The following RIMS2 variants were observed in gnomAD, a reference collection of about 807,000 sequenced individuals.
RIMS2 encodes the protein regulating synaptic membrane exocytosis 2, also known as regulating synaptic membrane exocytosis protein 2.
RIMS2 carries 59 observed loss-of-function variants against 174.4 expected under a neutral mutation model. The observed-to-expected ratio is 0.34, with a 90% CI of 0.27 to 0.42. The LOEUF (loss-of-function observed/expected upper bound fraction) is 0.42. Among genes scored for constraint, RIMS2 ranks in the 10% least tolerant of loss-of-function variants. RIMS2 has a pLI of 1.00. For missense variants in RIMS2, 1,620 were observed against 1,666.3 expected (o/e 0.97, Z 0.48); for synonymous variants, 606 against 572.5 (o/e 1.06, Z -0.84).
intron 19 of RIMS2, among the ~76,000 whole-genome samples, chr8:104,082,699 T>G (rs1427550030): frequency 6.6e-6 from 1 of 152,002 alleles, no homozygotes; most frequent in Non-Finnish European, 1.5e-5. Context: ...GTTTATATTT[T>G]TATATTATTT....
chr8:104,246,569 ATAG>A (rs1357251996), intron 20 of RIMS2, among the ~76,000 whole-genome samples: 1 of 152,232 alleles, frequency 6.6e-6, no homozygotes, highest in East Asian at 1.9e-4. Flanking sequence ...AGTAAAATTT[ATAG>A]TAGATTAGAT....
At chr8:103,669,247 T>C (rs1029753221) in intron 1 of RIMS2, among the ~76,000 whole-genome samples, 6 of 152,090 alleles carry the variant, frequency 3.9e-5, no homozygotes, top group African/African-American at 1.4e-4. Flanking sequence ...AAGAGAACTG[T>C]ATAGGGAAAA....
intron 15 of RIMS2, among the ~76,000 whole-genome samples, chr8:103,963,738 C>T (rs2090955706): frequency 6.6e-6 from 1 of 152,156 alleles, no homozygotes; most frequent in South Asian, 2.1e-4. Flanking sequence ...TACATTGGGG[C>T]TCACTCTTGG....
At chr8:103,703,696 G>A (rs2097193238) in intron 2 of RIMS2, among the ~76,000 whole-genome samples, 2 of 152,138 alleles carry the variant, frequency 1.3e-5, no homozygotes, top group South Asian at 4.1e-4. Context: ...TCATGGTAGA[G>A]ATCTTTCTCT....
intron 19 of RIMS2, chr8:104,223,864 G>T: frequency 7.6e-7 from 1 of 1,307,956 alleles, no homozygotes; most frequent in Middle Eastern, 1.9e-4. Context: ...GGGTTGGCCG[G>T]GGCAGAGAGA....
At chr8:103,829,327 G>C (rs1485139665) in intron 3 of RIMS2, among the ~76,000 whole-genome samples, 1 of 152,114 alleles carries the variant, frequency 6.6e-6, no homozygotes, top group Non-Finnish European at 1.5e-5. Context: ...GTGGAAAGCA[G>C]TTTGGAGATT....
intron 19 of RIMS2, among the ~76,000 whole-genome samples, chr8:104,065,052 C>G (rs1461765318): frequency 6.6e-6 from 1 of 151,900 alleles, no homozygotes; most frequent in Non-Finnish European, 1.5e-5. Context: ...ATTTTTCAAA[C>G]TTTTTATTTT....
intron 3 of RIMS2, among the ~76,000 whole-genome samples, chr8:103,792,479 A>G (rs1161230871): frequency 1.3e-5 from 2 of 152,196 alleles, no homozygotes; most frequent in South Asian, 2.1e-4. Context: ...GGAAAGATCT[A>G]AAATTGACAC....
chr8:103,826,198 G>A (rs949383715), intron 3 of RIMS2, among the ~76,000 whole-genome samples: 6 of 152,016 alleles, frequency 3.9e-5, no homozygotes, highest in Non-Finnish European at 7.4e-5. Flanking sequence ...TCTTAACAAT[G>A]CCTTTTGATG....
chr8:103,930,644 A>G (rs920599107), intron 11 of RIMS2, among the ~76,000 whole-genome samples: 1 of 152,100 alleles, frequency 6.6e-6, no homozygotes, highest in Non-Finnish European at 1.5e-5. Context: ...TATCCTAAGG[A>G]TATTATTCAT....
chr8:103,934,273 A>T (rs916695314), intron 12 of RIMS2, among the ~76,000 whole-genome samples: 3 of 152,174 alleles, frequency 2.0e-5, no homozygotes, highest in Non-Finnish European at 4.4e-5. Flanking sequence ...ATTCATTAAA[A>T]GATCATTTAT....
intron 19 of RIMS2, among the ~76,000 whole-genome samples, chr8:104,029,193 G>C (rs895067664): frequency 6.6e-6 from 1 of 152,112 alleles, no homozygotes; most frequent in Non-Finnish European, 1.5e-5. Flanking sequence ...AGTCACTCTC[G>C]TTGCCATCTT....
chr8:103,556,408 T>G lies in RIMS2; in HGVS notation c.176+55346T>G, dbSNP rs1850471437. On this transcript the variant is annotated intron_variant, in intron 1 of 23. Coordinates refer to ENST00000504942, the Ensembl canonical transcript of RIMS2. ...AATGACATACTTTCTCAAGTTATTTTCAGCTTAAAAGCCCTTTTACAAGTT... is the reference window on the plus strand; with the variant it reads ...AATGACATACTTTCTCAAGTTATTTGCAGCTTAAAAGCCCTTTTACAAGTT... Among the ~76,000 whole-genome samples, 4 of 152,310 alleles carry G rather than the reference T, an allele frequency of 2.6e-5. No individual in the cohort carries two copies. In the South Asian group the frequency reaches 6.2e-4, roughly 24 times the overall value.
At chr8:104,224,342 G>A (rs1301306777) in intron 19 of RIMS2, among the ~76,000 whole-genome samples, 1 of 152,184 alleles carries the variant, frequency 6.6e-6, no homozygotes, top group Non-Finnish European at 1.5e-5. Context: ...CAATGCCATT[G>A]TAATTAAGCT....
At chr8:104,143,852 C>T (rs1179774212) in intron 19 of RIMS2, among the ~76,000 whole-genome samples, 1 of 152,186 alleles carries the variant, frequency 6.6e-6, no homozygotes, top group African/African-American at 2.4e-5. Context: ...TTCCAGACTA[C>T]CTTCTCAGCT....
intron 19 of RIMS2, among the ~76,000 whole-genome samples, chr8:104,183,427 G>T (rs1208410563): frequency 6.6e-6 from 1 of 151,136 alleles, no homozygotes; most frequent in Non-Finnish European, 1.5e-5. Context: ...GTAAAACCGG[G>T]AATATAAGTA....
intron 20 of RIMS2, among the ~76,000 whole-genome samples, chr8:104,248,252 T>C (rs1415608131): frequency 6.6e-6 from 1 of 152,174 alleles, no homozygotes; most frequent in Non-Finnish European, 1.5e-5. Flanking sequence ...GGGATTTTTT[T>C]ATATGGTGGA....
chr8:103,532,978 G>A (rs532137036), intron 1 of RIMS2, among the ~76,000 whole-genome samples: 1 of 152,280 alleles, frequency 6.6e-6, no homozygotes, highest in Non-Finnish European at 1.5e-5. Context: ...TAGTGCTGTA[G>A]TTATACTAAA....
intron 12 of RIMS2, among the ~76,000 whole-genome samples, chr8:103,932,991 T>A (rs540733378): frequency 1.3e-5 from 2 of 151,634 alleles, no homozygotes; most frequent in African/African-American, 4.9e-5. Flanking sequence ...ACACTGTCTC[T>A]ACTAAAAATA....
Sources: allele counts gnomAD v4.1 joint callset (sites outside exome capture counted in the v4.1 genomes callset), GRCh38; gene constraint gnomAD v4.1.1; transcripts MANE v1.5; gene names NCBI Gene and HGNC (gene_info 2026-07-23, HGNC 2026-07-21).